Variants in FOXP2 observed in about 807,000 individuals in gnomAD.
FOXP2 encodes the protein forkhead box protein P2.
In FOXP2, 12 loss-of-function variants were observed where a neutral mutation model predicts 115.8. The ratio of observed to expected loss-of-function variants is 0.10; its 90% confidence interval spans 0.07 to 0.17. The LOEUF is 0.17. FOXP2 is among the 10% of genes least tolerant of loss of function. The pLI is 1.00. For missense variants in FOXP2, 629 were observed against 843.5 expected (o/e 0.75, Z 3.15); for synonymous variants, 328 against 297.7 (o/e 1.10, Z -1.05).
chr7:114,685,296 A>G (rs1337169924), intron 16 of FOXP2, among the ~76,000 whole-genome samples: 1 of 152,140 alleles, frequency 6.6e-6, no homozygotes, highest in Non-Finnish European at 1.5e-5. Context: ...TTTATTTATA[A>G]GTAATTCTTT....
At chr7:114,620,045 A>C (rs984685054) in intron 3 of FOXP2, among the ~76,000 whole-genome samples, 2 of 152,074 alleles carry the variant, frequency 1.3e-5, no homozygotes, top group African/African-American at 4.8e-5. Flanking sequence ...AAACGTGCTT[A>C]GTAAAAATTG....
intron 8 of FOXP2, among the ~76,000 whole-genome samples, chr7:114,651,942 G>A (rs1743920676): frequency 6.6e-6 from 1 of 152,094 alleles, no homozygotes; most frequent in Non-Finnish European, 1.5e-5. Context: ...TCTGTAAATG[G>A]TCTGGGGAAA....
At chr7:114,210,962 T>G (rs576628640) in intron 1 of FOXP2, among the ~76,000 whole-genome samples, 1 of 152,274 alleles carries the variant, frequency 6.6e-6, no homozygotes, top group Admixed American at 6.5e-5. Context: ...GGTCCCTTCC[T>G]TCTCCAGACC....
intron 2 of FOXP2, among the ~76,000 whole-genome samples, chr7:114,318,379 GTT>G (rs201941261): frequency 0.31 from 35,868 of 116,748 alleles, 5,767 homozygotes; most frequent in African/African-American, 0.49. Flanking sequence ...GTCTCTCTTT[GTT>G]TTTTTTTTTT....
chr7:114,568,274 A>C (rs1229534844), intron 3 of FOXP2, among the ~76,000 whole-genome samples: 2 of 151,864 alleles, frequency 1.3e-5, no homozygotes, highest in Admixed American at 1.3e-4. Flanking sequence ...GAATAATTTG[A>C]TAGGAGTGTT....
At chr7:114,170,180 C>T (rs757099728) in intron 1 of FOXP2, among the ~76,000 whole-genome samples, 15 of 152,080 alleles carry the variant, frequency 9.9e-5, no homozygotes, top group African/African-American at 7.2e-5. Flanking sequence ...GAGCTGTGAT[C>T]GGTAATCATT....
chr7:114,144,540 T>A (rs1422928218), intron 1 of FOXP2, among the ~76,000 whole-genome samples: 1 of 152,188 alleles, frequency 6.6e-6, no homozygotes, highest in African/African-American at 2.4e-5. Context: ...AATTTTCTGA[T>A]AGTAGATCTT....
intron 2 of FOXP2, among the ~76,000 whole-genome samples, chr7:114,370,810 C>G (rs1725062517): frequency 6.6e-6 from 1 of 151,626 alleles, no homozygotes; most frequent in Non-Finnish European, 1.5e-5. Flanking sequence ...TACTTGTGAC[C>G]AGTAGTAGTA....
At position 114,328,233 on chromosome 7, in the gene FOXP2, C is replaced by CTT. The variant is rs1193894946; in HGVS notation, c.-11+40144_-11+40145dup. Reference sequence around the variant, plus strand: ...TGCTCTCAGCCCTTTCTTTTCTTTTCTTTTTTTTTTTTTTTTTTTTTGAGA... The same window carrying CTT: ...TGCTCTCAGCCCTTTCTTTTCTTTTCTTTTTTTTTTTTTTTTTTTTTTTGAGA... On this transcript the variant is annotated intron_variant, in intron 2 of 17. Coordinates refer to the FOXP2 transcript ENST00000634411. 1.8e-3 allele frequency among the ~76,000 whole-genome samples: 238 copies of CTT among 129,560 alleles called. 1 individual carries two copies. The highest frequency in any genetic ancestry group is 6.3e-3 in the African/African-American group (213 of 33,934). The allele number at this position is 129,560 out of a possible 152,430, so 85.0% of individuals were successfully genotyped here. A position where few individuals can be genotyped will look rare whatever the true frequency, so the allele number is the denominator to read the frequency against.
At chr7:114,187,113 C>A (rs1344462511) in intron 1 of FOXP2, among the ~76,000 whole-genome samples, 1 of 152,202 alleles carries the variant, frequency 6.6e-6, no homozygotes, top group African/African-American at 2.4e-5. Flanking sequence ...ATCTCCTTAT[C>A]AAATGGTCAC....
chr7:114,305,615 T>A (rs764080417), intron 2 of FOXP2, among the ~76,000 whole-genome samples: 20 of 152,238 alleles, frequency 1.3e-4, no homozygotes, highest in Non-Finnish European at 2.2e-4. Flanking sequence ...CTTATACATT[T>A]ATGAGGAAAT....
intron 2 of FOXP2, among the ~76,000 whole-genome samples, chr7:114,455,464 G>C (rs760756470): frequency 2.0e-5 from 3 of 152,120 alleles, no homozygotes; most frequent in Non-Finnish European, 4.4e-5. Context: ...GAAGTGTGTT[G>C]TACATATAAA....
chr7:114,528,153 C>A (rs141384461), intron 2 of FOXP2, among the ~76,000 whole-genome samples: 1 of 151,996 alleles, frequency 6.6e-6, no homozygotes, highest in East Asian at 1.9e-4. Context: ...CTAGACTAAG[C>A]GTATGCTCTA....
chr7:114,588,492 G>C (rs977586783), intron 3 of FOXP2, among the ~76,000 whole-genome samples: 9 of 152,024 alleles, frequency 5.9e-5, no homozygotes, highest in African/African-American at 2.2e-4. Flanking sequence ...CTTGAAAATG[G>C]AAAATGAAAT....
intron 2 of FOXP2, among the ~76,000 whole-genome samples, chr7:114,504,558 T>C (rs1257012078): frequency 4.6e-5 from 7 of 151,692 alleles, no homozygotes. Context: ...ATATAAAGTG[T>C]TTATAATACA....
intron 11 of FOXP2, 27 bp from the exon 12 acceptor site, chr7:114,659,329 A>T (rs1806754055): frequency 6.9e-7 from 1 of 1,458,822 alleles, no homozygotes; most frequent in East Asian, 2.3e-5. Context: ...TATTAGCAGA[A>T]TTAACACCTA....
chr7:114,498,036 C>T (rs1287031336), intron 2 of FOXP2, among the ~76,000 whole-genome samples: 1 of 152,100 alleles, frequency 6.6e-6, no homozygotes, highest in Non-Finnish European at 1.5e-5. Flanking sequence ...CTGAAACATC[C>T]ACTATTATCT....
intron 1 of FOXP2, among the ~76,000 whole-genome samples, chr7:114,130,227 T>C (rs930678601): frequency 6.6e-6 from 1 of 152,022 alleles, no homozygotes; most frequent in Non-Finnish European, 1.5e-5. Context: ...GGAGACTAAG[T>C]TGGGAGGATG....
intron 3 of FOXP2, among the ~76,000 whole-genome samples, chr7:114,570,159 T>C (rs894746016): frequency 2.6e-5 from 4 of 151,906 alleles, no homozygotes; most frequent in Admixed American, 6.6e-5. Context: ...CAGATAAAAA[T>C]GCAAACTATA....
Sources: gnomAD v4.1 joint callset for allele counts (sites outside exome capture counted in the v4.1 genomes callset) on GRCh38, gnomAD v4.1.1 for gene constraint, MANE v1.5 for transcripts, NCBI Gene and HGNC (gene_info 2026-07-23, HGNC 2026-07-21) for gene names.